The following TSNAX variants were observed in gnomAD, a reference collection of about 807,000 sequenced individuals.
TSNAX encodes the protein translin-associated protein X.
Under a neutral mutation model 33.0 loss-of-function variants are expected in TSNAX, and 12 were observed. That is an observed-to-expected ratio of 0.36 (90% CI 0.23 to 0.59). The LOEUF (loss-of-function observed/expected upper bound fraction) is 0.59. Ranked by LOEUF, TSNAX falls within the 20% of genes least tolerant of loss-of-function variation. The pLI, the probability that TSNAX is intolerant of heterozygous loss-of-function variation, is 0.74. For missense variants in TSNAX, 267 were observed against 341.3 expected, an observed-to-expected ratio of 0.78 and a Z score of 1.72; for synonymous variants, 110 against 117.2, an observed-to-expected ratio of 0.94 and a Z score of 0.40.
chr1:231,528,804 T>C lies in TSNAX; in HGVS notation c.-7T>C, dbSNP rs1343869330. The C allele has an allele frequency of 6.2e-7, 1 of 1,614,202 alleles. No individual in the cohort carries two copies. Among genetic ancestry groups the C allele is most frequent in the Non-Finnish European group, 8.5e-7 (1 of 1,180,032 alleles). On this transcript the variant is annotated 5_prime_UTR_variant, in exon 1 of 6. Transcript: ENST00000366639. ...TCTCCGCTCGTCTCACCGTAGGCTG[T>C]GACGACATGAGCAACAAAGAAGGTG...
intron 2 of TSNAX, among the ~76,000 whole-genome samples, chr1:231,530,400 A>C (rs188736538): frequency 6.6e-6 from 1 of 152,274 alleles, no homozygotes; most frequent in Non-Finnish European, 1.5e-5. Context: ...ACTGATACAG[A>C]AGGTGGAGTT....
chr1:231,529,230 T>C lies in TSNAX; in HGVS notation c.17-25T>C, dbSNP rs760677078. 11 of 1,606,104 alleles carry C rather than the reference T, an allele frequency of 6.8e-6. No homozygotes were observed. In the Admixed American group the frequency reaches 1.2e-4, roughly 17 times the overall value. On this transcript the variant is annotated intron_variant, in intron 1 of 5. Coordinates refer to ENST00000366639, the MANE Select transcript of TSNAX (RefSeq NM_005999.3). ...CAAACTCTTGGTGATGGAAGATCCC[T>C]CTCTTTTTTTCTTCTCTATATAAGG... is the stretch of plus-strand genomic sequence containing the variant.
At chr1:231,529,099 G>A (rs199576968) in intron 1 of TSNAX, among the ~76,000 whole-genome samples, 156 bp from the exon 2 acceptor site, 21 of 152,222 alleles carry the variant, frequency 1.4e-4, no homozygotes, top group Non-Finnish European at 2.1e-4. Context: ...TGCTTGGAAA[G>A]GCCTGGGCAG....
In TSNAX at chr1:231,543,050, C is replaced by T. The variant is rs773147610; in HGVS notation, c.367+439C>T. On this transcript the variant is annotated intron_variant, in intron 4 of 5. Transcript: ENST00000366639. Reference sequence around the variant, plus strand: ...AAACTTAGCCAGGTGCGTTGGCGGGCGCCTGTAATCCCAGCTACTCCGGAG... The same window carrying T: ...AAACTTAGCCAGGTGCGTTGGCGGGTGCCTGTAATCCCAGCTACTCCGGAG... 7.9e-5 allele frequency among the ~76,000 whole-genome samples: 12 copies of T among 151,714 alleles called. 1 individual carries two copies. The highest frequency in any genetic ancestry group is 6.2e-4 in the South Asian group (3 of 4,808).
intron 4 of TSNAX, among the ~76,000 whole-genome samples, chr1:231,547,378 CTTTTTTTTTTCTTTT>C (rs1420029128): frequency 1.7e-5 from 2 of 116,632 alleles, no homozygotes; most frequent in African/African-American, 3.2e-5. Flanking sequence ...AAGGCTTTTT[CTTTTTTTTTTCTTTT>C]TTTTTTTTTT....
At chr1:231,528,950 C>T in intron 1 of TSNAX, 124 bp downstream of exon 1, 1 of 1,300,192 alleles carries the variant, frequency 7.7e-7, no homozygotes. Context: ...CGGGGGCGGC[C>T]CCTCTGTTTC....
chr1:231,566,032 GT>G lies in TSNAX; in HGVS notation c.*1130del, dbSNP rs1661409610. ...TTTTTGTTTTTGTTATATTAGGCAT[GT>G]TTGGAGGCTTTCCTATTCTAGCATT... is the stretch of plus-strand genomic sequence containing the variant. On this transcript the variant is annotated 3_prime_UTR_variant, in exon 6 of 6. Transcript: ENST00000366639. 1 of 151,984 alleles carries G rather than the reference GT, an allele frequency of 6.6e-6. No individual in the cohort carries two copies. The highest frequency in any genetic ancestry group is 2.4e-5 in the African/African-American group (1 of 41,390). The allele number at this position is 151,984 out of a possible 1,614,324, so 9.4% of individuals were successfully genotyped here.
chr1:231,537,965 C>CT (rs1659293378), intron 3 of TSNAX, among the ~76,000 whole-genome samples: 1 of 152,048 alleles, frequency 6.6e-6, no homozygotes, highest in Admixed American at 6.6e-5. Context: ...TCTGCATAAC[C>CT]TATTTTCTCG....
Position 231,529,252 on chromosome 1 carries a change from A to G in TSNAX, c.17-3A>G, listed in dbSNP as rs1316561767. 6.2e-7 allele frequency: 1 copy of G among 1,612,986 alleles called. No individual in the cohort carries two copies. Among genetic ancestry groups the G allele is most frequent in the South Asian group, 1.1e-5 (1 of 90,914 alleles). On this transcript the variant is annotated splice_region_variant and splice_polypyrimidine_tract_variant and intron_variant, in intron 1 of 5. Coordinates refer to ENST00000366639, the MANE Select transcript of TSNAX (RefSeq NM_005999.3). ...CCCTCTCTTTTTTTCTTCTCTATAT[A>G]AGGATCAGGAGGGTTCAGGAAAAGG... is the stretch of plus-strand genomic sequence containing the variant.
rs1235107059 is a variant in TSNAX, at chr1:231,564,104, A to G, written c.496-424A>G. 1.2e-4 allele frequency among the ~76,000 whole-genome samples: 18 copies of G among 152,332 alleles called. No individual in the cohort carries two copies. The East Asian group carries it at 3.3e-3, about 28-fold the overall frequency. ...GAGTGCTGAATAGGGAAAGACAAGAAGCCAGAAAAAGACTGAGCTTCTTAG... is the reference window on the plus strand; with the variant it reads ...GAGTGCTGAATAGGGAAAGACAAGAGGCCAGAAAAAGACTGAGCTTCTTAG... On this transcript the variant is annotated intron_variant, in intron 5 of 5. Transcript: ENST00000366639.
At chr1:231,561,557 A>G (rs1469544082) in intron 5 of TSNAX, among the ~76,000 whole-genome samples, 2 of 152,174 alleles carry the variant, frequency 1.3e-5, no homozygotes, top group Non-Finnish European at 2.9e-5. Flanking sequence ...GCACTGTCTT[A>G]TTTAATCCTT....
rs1658507977 is a variant in TSNAX, at chr1:231,529,475, G to T, written c.121+116G>T. ...ATGTGAAACTTTAGCTGGAGGTTTT[G>T]TGATGGCGCTAGATGTACCCTAAAA... On this transcript the variant is annotated intron_variant, in intron 2 of 5. Coordinates refer to ENST00000366639, the MANE Select transcript of TSNAX (RefSeq NM_005999.3). 8 of 1,011,618 alleles carry T rather than the reference G, an allele frequency of 7.9e-6. No homozygotes were observed. The South Asian group carries it at 1.1e-4, about 14-fold the overall frequency. The allele number at this position is 1,011,618 out of a possible 1,614,324, so 62.7% of individuals were successfully genotyped here.
chr1:231,564,901 C>T lies in TSNAX; in HGVS notation c.869C>T (p.Ser290Phe). The part of the protein sequence containing the change: ...TEMIDQEEGI[S>F] ...ATGATAGATCAAGAAGAGGGCATTT[C>T]TTAGAATCTAACGTTACTCAGTTAC... Residue 290 changes from serine to phenylalanine, a missense_variant, in exon 6 of 6, where the codon TCT becomes TTT. Around this residue, in one of 2 missense-constraint regions of TSNAX, gnomAD observed 67 missense variants for 127.2 expected, o/e 0.53. Transcript: ENST00000366639. 1.2e-6 allele frequency: 2 copies of T among 1,612,568 alleles called. No homozygotes were observed. Among genetic ancestry groups the T allele is most frequent in the Non-Finnish European group, 1.7e-6 (2 of 1,178,898 alleles).
chr1:231,542,089 C>G (rs1229483790), intron 3 of TSNAX, among the ~76,000 whole-genome samples: 2 of 152,176 alleles, frequency 1.3e-5, no homozygotes, highest in Non-Finnish European at 2.9e-5. Context: ...TCCTCCCTTT[C>G]CCCAGGGATC....
chr1:231,550,388 A>C (rs923717609), intron 4 of TSNAX, among the ~76,000 whole-genome samples: 1 of 152,210 alleles, frequency 6.6e-6, no homozygotes, highest in African/African-American at 2.4e-5. Context: ...ACCCCCAAAA[A>C]GAGGTGCCTT....
At chr1:231,542,430 T>G (rs1177861554) in intron 3 of TSNAX, 51 bp from the exon 4 acceptor site, 1 of 1,592,454 alleles carries the variant, frequency 6.3e-7, no homozygotes, top group East Asian at 2.2e-5. Flanking sequence ...TTTTAGTTTT[T>G]CACTGTTAAA....
chr1:231,548,842 A>T (rs1230950362), intron 4 of TSNAX, among the ~76,000 whole-genome samples: 1 of 152,240 alleles, frequency 6.6e-6, no homozygotes, highest in Non-Finnish European at 1.5e-5. Flanking sequence ...AAAGACATGG[A>T]TAAGATTGTC....
chr1:231,551,122 T>C (rs1053478324), intron 4 of TSNAX, among the ~76,000 whole-genome samples: 1 of 152,244 alleles, frequency 6.6e-6, no homozygotes, highest in Non-Finnish European at 1.5e-5. Flanking sequence ...TGTTAAAATA[T>C]CTTGAATATG....
At chr1:231,528,921 C>G in intron 1 of TSNAX, 95 bp downstream of exon 1, 1 of 1,519,860 alleles carries the variant, frequency 6.6e-7, no homozygotes. Context: ...TTGAAGGATG[C>G]CTTCGTCCCT....
Sources: gnomAD v4.1 joint callset for allele counts (sites outside exome capture counted in the v4.1 genomes callset) on GRCh38, gnomAD v4.1.1 for gene constraint, gnomAD v4.1.1 regional missense constraint, MANE v1.5 for transcripts, NCBI Gene and HGNC (gene_info 2026-07-23, HGNC 2026-07-21) for gene names.